Variants in HCN1 observed in about 807,000 individuals in gnomAD.
The protein encoded by HCN1 is hyperpolarization activated cyclic nucleotide gated potassium channel 1.
In HCN1, 13 loss-of-function variants were observed where a neutral mutation model predicts 78.9. The observed-to-expected ratio is 0.16, with a 90% CI of 0.11 to 0.26. The LOEUF is 0.26. Among genes scored for constraint, HCN1 ranks in the 10% least tolerant of loss-of-function variants. The probability of loss-of-function intolerance (pLI) is 1.00; values close to 1 mark genes in which losing one functional copy is unlikely to be tolerated. For synonymous variants in HCN1, 552 were observed against 455.5 expected (o/e 1.21, Z -2.70); for missense variants, 810 against 1,154.3 (o/e 0.70, Z 4.32).
intron 1 of HCN1, among the ~76,000 whole-genome samples, chr5:45,682,256 C>CAT (rs997230551): frequency 0.04 from 5,314 of 131,948 alleles, 336 homozygotes; most frequent in African/African-American, 0.14. Context: ...AACAAGATAT[C>CAT]ATATATATAT....
chr5:45,512,733 T>C (rs1238729458), intron 2 of HCN1, among the ~76,000 whole-genome samples: 1 of 152,068 alleles, frequency 6.6e-6, no homozygotes, highest in African/African-American at 2.4e-5. Flanking sequence ...GAGCACACTC[T>C]GAATCATACA....
intron 4 of HCN1, among the ~76,000 whole-genome samples, chr5:45,358,734 GGT>G (rs1479896685): frequency 6.6e-6 from 1 of 152,096 alleles, no homozygotes; most frequent in African/African-American, 2.4e-5. Context: ...GCCCTACAAA[GGT>G]GCCTTTTGTG....
intron 3 of HCN1, among the ~76,000 whole-genome samples, chr5:45,438,117 T>G (rs999715093): frequency 6.6e-6 from 1 of 152,158 alleles, no homozygotes; most frequent in Non-Finnish European, 1.5e-5. Context: ...TGGCACTATG[T>G]AAGAGGGAAT....
chr5:45,267,147 T>C lies in HCN1; in HGVS notation c.1725A>G (p.Glu575=), dbSNP rs1418891203. The C allele has an allele frequency of 5.0e-6, 8 of 1,613,990 alleles. No individual in the cohort carries two copies. Among genetic ancestry groups the C allele is most frequent in the Non-Finnish European group, 6.8e-6 (8 of 1,179,862 alleles). The part of the protein sequence containing the change: ...SVDNFNEVLE[E]YPMMRRAFET... ...CAAAGGCTCTCCTCATCATTGGATA[T>C]TCCTCCAGGACCTCGTTGAAATTGT... Residue 575 remains glutamate, a synonymous_variant, in exon 7 of 8, where the codon GAA becomes GAG. Coordinates refer to ENST00000303230, the MANE Select transcript of HCN1 (RefSeq NM_021072.4).
chr5:45,654,011 T>C lies in HCN1; in HGVS notation c.426-8403A>G, dbSNP rs1195819019. Among the ~76,000 whole-genome samples, 4 of 152,122 alleles carry C rather than the reference T, an allele frequency of 2.6e-5. No individual in the cohort carries two copies. The East Asian group carries it at 7.7e-4, about 29-fold the overall frequency. On this transcript the variant is annotated intron_variant, in intron 1 of 7. Coordinates refer to ENST00000303230, the MANE Select transcript of HCN1 (RefSeq NM_021072.4). ...TAAGCCTTTATTTCTCCTCAAATGG[T>C]AGAATTATGATGCACGTTTTTAATA... is the stretch of plus-strand genomic sequence containing the variant.
intron 4 of HCN1, among the ~76,000 whole-genome samples, chr5:45,388,752 A>C (rs2112032756): frequency 6.6e-6 from 1 of 152,262 alleles, no homozygotes; most frequent in South Asian, 2.1e-4. Flanking sequence ...CATTTCACAA[A>C]GTTTATTTGT....
chr5:45,349,828 A>T (rs1403959926), intron 5 of HCN1, among the ~76,000 whole-genome samples: 1 of 152,122 alleles, frequency 6.6e-6, no homozygotes, highest in Non-Finnish European at 1.5e-5. Flanking sequence ...AACCAGGAAG[A>T]AGTTGAATCT....
At chr5:45,448,636 G>T (rs1318532489) in intron 3 of HCN1, among the ~76,000 whole-genome samples, 1 of 151,954 alleles carries the variant, frequency 6.6e-6, no homozygotes, top group Non-Finnish European at 1.5e-5. Context: ...TTCTTTTTCT[G>T]CCATTGTTCT....
At chr5:45,561,221 C>T (rs1319641941) in intron 2 of HCN1, among the ~76,000 whole-genome samples, 1 of 152,032 alleles carries the variant, frequency 6.6e-6, no homozygotes, top group Non-Finnish European at 1.5e-5. Context: ...TTAGTTGATA[C>T]TTAATTTTAT....
chr5:45,537,925 A>T (rs1032149597), intron 2 of HCN1, among the ~76,000 whole-genome samples: 1 of 152,056 alleles, frequency 6.6e-6, no homozygotes, highest in Non-Finnish European at 1.5e-5. Context: ...AGGTCAATGG[A>T]TCTTTGACAG....
intron 1 of HCN1, among the ~76,000 whole-genome samples, chr5:45,663,365 C>G (rs369202382): frequency 7.1e-6 from 1 of 140,000 alleles, no homozygotes; most frequent in Non-Finnish European, 1.5e-5. Context: ...TAGAAGAAAA[C>G]CTAGACATTA....
intron 5 of HCN1, among the ~76,000 whole-genome samples, chr5:45,311,833 C>A (rs1745857029): frequency 6.6e-6 from 1 of 152,192 alleles, no homozygotes; most frequent in Non-Finnish European, 1.5e-5. Flanking sequence ...CGCCTTGGAA[C>A]CTGGAGGGAA....
intron 2 of HCN1, among the ~76,000 whole-genome samples, chr5:45,542,087 C>A (rs78530664): frequency 0.072 from 10,903 of 152,006 alleles, 562 homozygotes; most frequent in Middle Eastern, 0.15. Context: ...AGCCAGATAA[C>A]TGGAATTAAA....
chr5:45,546,094 A>G (rs1239211205), intron 2 of HCN1, among the ~76,000 whole-genome samples: 1 of 152,012 alleles, frequency 6.6e-6, no homozygotes, highest in Non-Finnish European at 1.5e-5. Context: ...GTTACATTAT[A>G]ATTATTTGAT....
intron 2 of HCN1, among the ~76,000 whole-genome samples, chr5:45,613,191 T>G (rs1370872988): frequency 7.6e-6 from 1 of 131,754 alleles, no homozygotes; most frequent in Non-Finnish European, 1.5e-5. Flanking sequence ...AGTGTGATAT[T>G]CCCCTTCCTG....
At chr5:45,461,704 T>G in intron 3 of HCN1, 142 bp downstream of exon 3, 1 of 782,926 alleles carries the variant, frequency 1.3e-6, no homozygotes, top group South Asian at 1.6e-5. Context: ...AAACATAACA[T>G]CTGATTTTAT....
In HCN1 at chr5:45,330,631, C is replaced by A. The variant is rs1007586149; in HGVS notation, c.1377+22469G>T. On this transcript the variant is annotated intron_variant, in intron 5 of 7. Coordinates refer to ENST00000303230, the MANE Select transcript of HCN1 (RefSeq NM_021072.4). Reference sequence around the variant, plus strand: ...TGACTCATCAATAATTTTTAATAGACAAACAATAATGTATCATGTCACTTG... The same window carrying A: ...TGACTCATCAATAATTTTTAATAGAAAAACAATAATGTATCATGTCACTTG... Among the ~76,000 whole-genome samples, 4 of 150,828 alleles carry A rather than the reference C, an allele frequency of 2.7e-5. No individual in the cohort carries two copies. In the East Asian group the frequency reaches 7.8e-4, roughly 29 times the overall value.
intron 5 of HCN1, among the ~76,000 whole-genome samples, chr5:45,326,685 G>T (rs1021101018): frequency 1.3e-5 from 2 of 151,572 alleles, no homozygotes; most frequent in Non-Finnish European, 3.0e-5. Context: ...TCTTGTAAAA[G>T]ATCAGAGCAA....
chr5:45,445,594 C>G (rs941886540), intron 3 of HCN1, among the ~76,000 whole-genome samples: 1 of 152,190 alleles, frequency 6.6e-6, no homozygotes, highest in African/African-American at 2.4e-5. Context: ...TCAAGTGGGT[C>G]CCTGACCCCT....
Sources: allele counts gnomAD v4.1 joint callset (sites outside exome capture counted in the v4.1 genomes callset), GRCh38; gene constraint gnomAD v4.1.1; transcripts MANE v1.5; gene names NCBI Gene and HGNC (gene_info 2026-07-23, HGNC 2026-07-21).